Variants in SNX25 observed in about 807,000 individuals in gnomAD.
SNX25 encodes sorting nexin-25.
A neutral mutation model predicts 113.7 loss-of-function variants in SNX25; 62 were observed. The observed-to-expected ratio is 0.55, with a 90% confidence interval of 0.44 to 0.67. SNX25 has a LOEUF of 0.67. Among genes scored for constraint, SNX25 ranks in the 30% least tolerant of loss-of-function variants. The pLI, the probability that SNX25 is intolerant of heterozygous loss-of-function variation, is 0.00. For missense variants in SNX25, 1,014 were observed against 1,161.0 expected (o/e 0.87, Z 1.84); for synonymous variants, 421 against 436.2 (o/e 0.97, Z 0.43).
In SNX25 at chr4:185,339,960, T is replaced by C. The variant is rs2095251541; in HGVS notation, c.2046+450T>C. On this transcript the variant is annotated intron_variant, in intron 11 of 18. Coordinates refer to ENST00000652585, the MANE Select transcript of SNX25 (RefSeq NM_001378034.2). Reference sequence around the variant, plus strand: ...TTTTTTGAATTATTTTGCTGTTTTTTTTGAGGGATATGAGATAAGAGTTTG... The same window carrying C: ...TTTTTTGAATTATTTTGCTGTTTTTCTTGAGGGATATGAGATAAGAGTTTG... Among the ~76,000 whole-genome samples, 3 of 152,222 alleles carry C rather than the reference T, an allele frequency of 2.0e-5. No homozygotes were observed. In the South Asian group the frequency reaches 6.2e-4, roughly 32 times the overall value.
At chr4:185,223,177 A>G (rs3112903) in intron 1 of SNX25, among the ~76,000 whole-genome samples, 99,298 of 151,948 alleles carry the variant, frequency 0.65, 32,555 homozygotes, top group East Asian at 0.76. Flanking sequence ...TAGCAACCTC[A>G]TCTTGACTTT....
intron 9 of SNX25, among the ~76,000 whole-genome samples, chr4:185,329,706 G>A (rs1015546766): frequency 2.0e-5 from 3 of 151,640 alleles, no homozygotes; most frequent in African/African-American, 7.3e-5. Context: ...AGAGAGAAGA[G>A]AGGATGAGGG....
downstream of SNX25, chr4:185,365,874 T>A (rs2095386478): frequency 6.6e-6 from 1 of 152,122 alleles, no homozygotes; most frequent in Non-Finnish European, 1.5e-5. Context: ...TTGAAATTTC[T>A]TCCCTTACAC....
upstream of SNX25, among the ~76,000 whole-genome samples, chr4:185,206,056 C>A (rs554627922): frequency 3.3e-4 from 51 of 152,266 alleles, no homozygotes; most frequent in African/African-American, 1.1e-3. Flanking sequence ...TTATGCATTG[C>A]TTGTGAGAAT....
At chr4:185,378,397 GAGAC>G in the SNX25 span, 42 of 1,372,644 alleles carry the variant, frequency 3.1e-5, no homozygotes, top group Non-Finnish European at 3.9e-5. Context: ...CCCTAGCTGA[GAGAC>G]AGCCATTCTC....
intron 1 of SNX25, among the ~76,000 whole-genome samples, chr4:185,220,962 C>T (rs1488126492): frequency 1.3e-5 from 2 of 151,986 alleles, no homozygotes; most frequent in East Asian, 3.9e-4. Flanking sequence ...CTCCTGGGCT[C>T]TTGTGATCCT....
At chr4:185,376,402 A>G in the SNX25 span, among the ~76,000 whole-genome samples, 2 of 151,334 alleles carry the variant, frequency 1.3e-5, no homozygotes, top group African/African-American at 4.9e-5. Flanking sequence ...TCAGCCTCCC[A>G]AGTAGCTGGG....
intron 2 of SNX25, among the ~76,000 whole-genome samples, chr4:185,249,218 A>G (rs1279114092): frequency 3.9e-5 from 6 of 152,210 alleles, no homozygotes; most frequent in Admixed American, 3.9e-4. Flanking sequence ...TAAATTACCA[A>G]ACGGTATTCC....
chr4:185,231,309 C>T (rs1195687643), intron 1 of SNX25, among the ~76,000 whole-genome samples: 2 of 151,338 alleles, frequency 1.3e-5, no homozygotes, highest in Non-Finnish European at 3.0e-5. Flanking sequence ...CTGTGTTAGC[C>T]AGGATGGTCT....
At chr4:185,237,327 T>C (rs916518401) in intron 1 of SNX25, among the ~76,000 whole-genome samples, 2 of 152,188 alleles carry the variant, frequency 1.3e-5, no homozygotes, top group African/African-American at 4.8e-5. Context: ...CAGGTTTTGT[T>C]TGGATACTTA....
At chr4:185,298,442 AAAT>A (rs1302000684) in intron 6 of SNX25, among the ~76,000 whole-genome samples, 4 of 152,096 alleles carry the variant, frequency 2.6e-5, no homozygotes, top group Non-Finnish European at 4.4e-5. Context: ...GTCTATGAAA[AAAT>A]AATATATTTT....
At chr4:185,221,386 G>A (rs1195693890) in intron 1 of SNX25, among the ~76,000 whole-genome samples, 1 of 151,888 alleles carries the variant, frequency 6.6e-6, no homozygotes, top group Non-Finnish European at 1.5e-5. Flanking sequence ...TGTTGCCCAC[G>A]CAGGTCTCAA....
intron 13 of SNX25, among the ~76,000 whole-genome samples, chr4:185,348,198 T>C (rs1472407079): frequency 1.3e-5 from 2 of 152,184 alleles, no homozygotes; most frequent in Non-Finnish European, 2.9e-5. Flanking sequence ...CTTTGGATCT[T>C]AAAGCCCTGA....
chr4:185,367,215 C>A, downstream of SNX25: 1 of 1,612,568 alleles, frequency 6.2e-7, no homozygotes, highest in South Asian at 1.1e-5. Context: ...GAGTGAAGTT[C>A]ATCTGCCAAT....
At chr4:185,273,814 T>C (rs955120604) in intron 5 of SNX25, among the ~76,000 whole-genome samples, 1 of 152,170 alleles carries the variant, frequency 6.6e-6, no homozygotes, top group Non-Finnish European at 1.5e-5. Context: ...TTCATCCACA[T>C]TGTTGCCAAT....
At chr4:185,261,981 G>A (rs1233335461) in intron 3 of SNX25, among the ~76,000 whole-genome samples, 1 of 152,132 alleles carries the variant, frequency 6.6e-6, no homozygotes, top group Admixed American at 6.5e-5. Context: ...AATGAGACCG[G>A]CAGACAGTGA....
At chr4:185,282,384 G>A (rs1350735698) in intron 5 of SNX25, among the ~76,000 whole-genome samples, 1 of 152,038 alleles carries the variant, frequency 6.6e-6, no homozygotes, top group Non-Finnish European at 1.5e-5. Context: ...GGCCAGGCTG[G>A]TCTTGAACTC....
intron 5 of SNX25, among the ~76,000 whole-genome samples, chr4:185,275,778 T>C (rs958489181): frequency 2.2e-4 from 34 of 152,128 alleles, no homozygotes; most frequent in Non-Finnish European, 4.4e-5. Flanking sequence ...CAGCAATCAG[T>C]GAGCACATAT....
intron 6 of SNX25, among the ~76,000 whole-genome samples, chr4:185,292,546 C>T (rs1579651588): frequency 6.6e-6 from 1 of 152,058 alleles, no homozygotes; most frequent in Non-Finnish European, 1.5e-5. Flanking sequence ...TTACAGGCAC[C>T]CACCACCATA....
Sources: allele counts gnomAD v4.1 joint callset (sites outside exome capture counted in the v4.1 genomes callset), GRCh38; gene constraint gnomAD v4.1.1; transcripts MANE v1.5; gene names NCBI Gene and HGNC (gene_info 2026-07-23, HGNC 2026-07-21).